CD6: variants seen among roughly 807,000 people sequenced by gnomAD.
The protein encoded by CD6 is T-cell differentiation antigen CD6.
Under a neutral mutation model 75.3 loss-of-function variants are expected in CD6, and 53 were observed. The ratio of observed to expected loss-of-function variants is 0.70; its 90% CI spans 0.56 to 0.88. The LOEUF (loss-of-function observed/expected upper bound fraction) is 0.88. CD6 is among the 40% of genes least tolerant of loss of function. The probability of loss-of-function intolerance (pLI) is 0.00; values close to 1 mark genes in which losing one functional copy is unlikely to be tolerated. For synonymous variants in CD6, 359 were observed against 381.5 expected, an observed-to-expected ratio of 0.94 and a Z score of 0.69; for missense variants, 770 against 897.1, an observed-to-expected ratio of 0.86 and a Z score of 1.81.
intron 1 of CD6, among the ~76,000 whole-genome samples, chr11:61,001,842 ACAG>A (rs982551985): frequency 6.6e-6 from 1 of 152,194 alleles, no homozygotes; most frequent in Non-Finnish European, 1.5e-5. Context: ...CAAGATGGCA[ACAG>A]CAGAGGATTC....
At chr11:61,018,224 C>T in intron 11 of CD6, 65 bp from the exon 12 acceptor site, 1 of 1,423,650 alleles carries the variant, frequency 7.0e-7, no homozygotes, top group South Asian at 1.3e-5. Flanking sequence ...GTGGGCCCCC[C>T]AGCTCTGGCA....
rs1002754090 is a variant in CD6 at position 60,987,796 on chromosome 11, C to T, written c.49+15882C>T. On this transcript the variant is annotated intron_variant, in intron 1 of 12. Coordinates refer to ENST00000313421, the MANE Select transcript of CD6 (RefSeq NM_006725.5). The stretch of plus-strand genomic sequence containing the variant: ...CCAATTGTCCCCTGTTTCTTGGAGT[C>T]AGTTATTCCCTCCTAACTCTGTTTT... 67 of 152,324 alleles carry T rather than the reference C, an allele frequency of 4.4e-4. 1 individual carries two copies. Among genetic ancestry groups the T allele is most frequent in the African/African-American group, 1.6e-3 (66 of 41,568 alleles). The allele number at this position is 152,324 out of a possible 1,614,324, so 9.4% of individuals were successfully genotyped here.
rs766098012 is a variant in CD6, at chr11:61,008,568, C to T, written c.504C>T (p.Gly168=). 2 of 1,606,420 alleles carry T rather than the reference C, an allele frequency of 1.2e-6. No homozygotes were observed. The highest frequency in any genetic ancestry group is 1.1e-5 in the South Asian group (1 of 89,898). ...NRALRLVDGG[G]ACAGRVEMLE... ...CGCTGCGCCTGGTGGACGGTGGCGG[C>T]GCCTGCGCCGGCCGCGTGGAGATGC... The change falls in exon 4 of 13, where the codon GGC becomes GGT. Residue 168 remains glycine (G), a synonymous_variant. Transcript: ENST00000313421.
At chr11:60,975,599 A>G (rs1004227314) in intron 1 of CD6, among the ~76,000 whole-genome samples, 1 of 152,166 alleles carries the variant, frequency 6.6e-6, no homozygotes, top group Non-Finnish European at 1.5e-5. Context: ...CTAGGAGTTC[A>G]AGACCAGCTG....
At chr11:60,999,123 A>G (rs1256742180) in intron 1 of CD6, among the ~76,000 whole-genome samples, 1 of 152,078 alleles carries the variant, frequency 6.6e-6, no homozygotes, top group Non-Finnish European at 1.5e-5. Context: ...GCACCACTGC[A>G]CTCCAGCCTG....
chr11:61,012,854 G>A (rs1184437024), intron 6 of CD6, among the ~76,000 whole-genome samples: 1 of 152,184 alleles, frequency 6.6e-6, no homozygotes. Context: ...CTCTTCTGAT[G>A]GTCTGTTCAC....
chr11:61,013,600 G>A (rs1016414401), intron 7 of CD6, 37 bp downstream of exon 7: 1 of 1,608,288 alleles, frequency 6.2e-7, no homozygotes, highest in East Asian at 2.2e-5. Context: ...GCCATCCCAG[G>A]GGGATGTGAG....
At chr11:60,999,012 G>A (rs1858445433) in intron 1 of CD6, among the ~76,000 whole-genome samples, 1 of 152,108 alleles carries the variant, frequency 6.6e-6, no homozygotes, top group Non-Finnish European at 1.5e-5. Context: ...ATATAAATTA[G>A]GCGGGCATGG....
At position 61,009,773 on chromosome 11, in the gene CD6, A is replaced by G. The variant is rs1859058257; in HGVS notation, c.983A>G (p.Tyr328Cys). Residue 328 changes from tyrosine to cysteine, a missense_variant, in exon 5 of 13, where the codon TAC becomes TGC. Transcript: ENST00000313421. Reference protein sequence around the residue: ...LPHSLSGRMYYSCNGEELTLS... With the variant: ...LPHSLSGRMYCSCNGEELTLS... ...CACTCCTTGTCCGGCAGGATGTACT[A>G]CTCATGCAATGGGGAGGAGCTCACC... is the stretch of plus-strand genomic sequence containing the variant. The G allele has an allele frequency of 6.2e-7, 1 of 1,613,216 alleles. No individual in the cohort carries two copies. The highest frequency in any genetic ancestry group is 1.3e-5 in the African/African-American group (1 of 74,854).
At chr11:61,018,684 A>G (rs1859542873) in intron 12 of CD6, 1 of 417,716 alleles carries the variant, frequency 2.4e-6, no homozygotes, top group Non-Finnish European at 4.3e-6. Context: ...AGCCAAGGGT[A>G]GCACGTGCCT....
intron 1 of CD6, among the ~76,000 whole-genome samples, chr11:60,978,070 G>A (rs374947924): frequency 3.9e-4 from 59 of 152,306 alleles, no homozygotes; most frequent in African/African-American, 1.4e-3. Context: ...AATTAGAAAG[G>A]CTGAAAGGGA....
chr11:60,995,156 CT>C (rs1394656498), intron 1 of CD6, among the ~76,000 whole-genome samples: 1 of 149,670 alleles, frequency 6.7e-6, no homozygotes, highest in Non-Finnish European at 1.5e-5. Flanking sequence ...TCTTTCTTTT[CT>C]TTTTTGAAAT....
chr11:61,002,770 G>A (rs1275154716), intron 1 of CD6, among the ~76,000 whole-genome samples: 1 of 152,110 alleles, frequency 6.6e-6, no homozygotes, highest in African/African-American at 2.4e-5. Context: ...CATCTGATGA[G>A]GGCCTTCTCT....
At position 60,995,476 on chromosome 11, in the gene CD6, C is replaced by T. The variant is rs1031528662; in HGVS notation, c.50-11098C>T. On this transcript the variant is annotated intron_variant, in intron 1 of 12. Coordinates refer to ENST00000313421, the MANE Select transcript of CD6 (RefSeq NM_006725.5). ...TTTCTAATTTTAATGGAATTACAGG[C>T]GTTCCCTTCTTTCTAGTTGTTTTAT... is the stretch of plus-strand genomic sequence containing the variant. Among the ~76,000 whole-genome samples the T allele has an allele frequency of 3.9e-5, 6 of 152,254 alleles. No homozygotes were observed. The East Asian group carries it at 5.8e-4, about 15-fold the overall frequency.
chr11:61,013,891 T>C (rs373752284), intron 7 of CD6, 28 bp from the exon 8 acceptor site: 15 of 1,523,360 alleles, frequency 9.8e-6, no homozygotes, highest in Non-Finnish European at 3.6e-6. Context: ...AAAAATGACT[T>C]GTAGAATTTC....
intron 1 of CD6, among the ~76,000 whole-genome samples, chr11:60,991,399 C>T (rs963281664): frequency 2.0e-4 from 30 of 151,930 alleles, no homozygotes; most frequent in Admixed American, 9.2e-4. Context: ...GTGATACACC[C>T]GCCTCAGCCT....
In CD6 at chr11:61,019,472, C is replaced by A; in HGVS notation, c.*154C>A. On this transcript the variant is annotated 3_prime_UTR_variant, in exon 13 of 13. Transcript: ENST00000313421. ...GGAAGGAAACGTTATACCTTGTACC[C>A]CTCGGTCTCCATCCATCAAGCCAAA... 1.9e-6 allele frequency: 1 copy of A among 531,316 alleles called. No individual in the cohort carries two copies. Among genetic ancestry groups the A allele is most frequent in the South Asian group, 3.5e-5 (1 of 28,944 alleles). 32.9% of individuals were successfully genotyped at this position (531,316 alleles called of 1,614,324 possible). A position where few individuals can be genotyped will look rare whatever the true frequency, so the allele number is the denominator to read the frequency against.
At chr11:60,975,102 T>C (rs1256018288) in intron 1 of CD6, among the ~76,000 whole-genome samples, 3 of 125,380 alleles carry the variant, frequency 2.4e-5, no homozygotes, top group Non-Finnish European at 5.0e-5. Flanking sequence ...TTTTCTTAAC[T>C]TGTGAGTTCA....
intron 1 of CD6, among the ~76,000 whole-genome samples, chr11:60,998,511 C>T (rs865784309): frequency 2.6e-4 from 40 of 152,272 alleles, no homozygotes; most frequent in Middle Eastern, 3.4e-3. Flanking sequence ...AATCAACTGT[C>T]AGCTCCTGAC....
Sources: gnomAD v4.1 joint callset for allele counts (sites outside exome capture counted in the v4.1 genomes callset) on GRCh38, gnomAD v4.1.1 for gene constraint, MANE v1.5 for transcripts, NCBI Gene and HGNC (gene_info 2026-07-23, HGNC 2026-07-21) for gene names.